The following CTNND2 variants were observed in gnomAD, a reference collection of about 807,000 sequenced individuals.
The protein encoded by CTNND2 is catenin delta 2, also known as catenin delta-2.
A neutral mutation model predicts 144.4 loss-of-function variants in CTNND2; 22 were observed. The observed-to-expected ratio is 0.15, with a 90% CI of 0.11 to 0.22. The LOEUF is 0.22. Ranked by LOEUF, CTNND2 falls within the 10% of genes least tolerant of loss-of-function variation. The pLI is 1.00. For synonymous variants in CTNND2, 751 were observed against 695.6 expected (o/e 1.08, Z -1.25); for missense variants, 1,353 against 1,618.8 (o/e 0.84, Z 2.82).
At chr5:11,467,856 A>C (rs947089585) in intron 3 of CTNND2, among the ~76,000 whole-genome samples, 3 of 152,242 alleles carry the variant, frequency 2.0e-5, no homozygotes. Flanking sequence ...TCACTAACAC[A>C]TACATAGTAC....
At position 11,330,483 on chromosome 5, in the gene CTNND2, CAAAA is replaced by C. The variant is rs10627159; in HGVS notation, c.1628+15885_1628+15888del. ...TGGGTGACAGAGAGAGACTCCGTCT[CAAAA>C]AAAAAAAAAAAAAAAAAAAAAAGAA... On this transcript the variant is annotated intron_variant, in intron 9 of 21. Coordinates refer to ENST00000304623, the MANE Select transcript of CTNND2 (RefSeq NM_001332.4). 1.3e-3 allele frequency among the ~76,000 whole-genome samples: 57 copies of C among 43,454 alleles called. 1 individual carries two copies. The highest frequency in any genetic ancestry group is 4.3e-3 in the African/African-American group (48 of 11,258). 28.5% of individuals were successfully genotyped at this position (43,454 alleles called of 152,430 possible).
intron 3 of CTNND2, among the ~76,000 whole-genome samples, chr5:11,482,177 G>T (rs1768339223): frequency 6.6e-6 from 1 of 152,102 alleles, no homozygotes; most frequent in South Asian, 2.1e-4. Context: ...TTGGTGTTTT[G>T]CAGTTTCCCA....
intron 16 of CTNND2, among the ~76,000 whole-genome samples, chr5:11,040,705 A>G (rs1744609977): frequency 6.6e-6 from 1 of 152,252 alleles, no homozygotes; most frequent in African/African-American, 2.4e-5. Flanking sequence ...TTTTTGAACT[A>G]GAAATAAATT....
chr5:11,674,612 G>C (rs1784071959), intron 2 of CTNND2, among the ~76,000 whole-genome samples: 1 of 152,242 alleles, frequency 6.6e-6, no homozygotes, highest in Admixed American at 6.5e-5. Flanking sequence ...AACATGCATA[G>C]ATAAACTCAT....
intron 2 of CTNND2, among the ~76,000 whole-genome samples, chr5:11,610,761 T>C (rs116614203): frequency 4.6e-5 from 7 of 152,204 alleles, no homozygotes; most frequent in African/African-American, 1.7e-4. Flanking sequence ...AATGACATAT[T>C]AGAGGTTTGT....
chr5:11,525,254 T>C (rs897819495), intron 3 of CTNND2, among the ~76,000 whole-genome samples: 1 of 152,158 alleles, frequency 6.6e-6, no homozygotes, highest in African/African-American at 2.4e-5. Flanking sequence ...GAGCACAATG[T>C]GCTGAATTTT....
chr5:11,048,069 C>G (rs535258836), intron 16 of CTNND2, among the ~76,000 whole-genome samples: 1 of 152,252 alleles, frequency 6.6e-6, no homozygotes, highest in South Asian at 2.1e-4. Context: ...TCCTCTAGCA[C>G]AGCACAAGGG....
At chr5:11,179,120 T>C (rs998662589) in intron 11 of CTNND2, among the ~76,000 whole-genome samples, 5 of 151,670 alleles carry the variant, frequency 3.3e-5, no homozygotes, top group African/African-American at 1.2e-4. Context: ...TGGGCCTTTA[T>C]TCTTAAAGAT....
At chr5:11,240,941 C>T (rs1175805553) in intron 9 of CTNND2, among the ~76,000 whole-genome samples, 1 of 149,888 alleles carries the variant, frequency 6.7e-6, no homozygotes, top group Non-Finnish European at 1.5e-5. Context: ...CCAACACACA[C>T]ACTGAGCACA....
At chr5:11,868,135 G>A (rs913203258) in intron 1 of CTNND2, among the ~76,000 whole-genome samples, 1 of 151,978 alleles carries the variant, frequency 6.6e-6, no homozygotes, top group Non-Finnish European at 1.5e-5. Flanking sequence ...AGCAAGCAGT[G>A]ACGCATGCGC....
chr5:11,104,930 A>T (rs1311837067), intron 14 of CTNND2, among the ~76,000 whole-genome samples: 2 of 152,170 alleles, frequency 1.3e-5, no homozygotes, highest in Non-Finnish European at 2.9e-5. Flanking sequence ...TTGCTGATGC[A>T]CCTCCTCCTG....
intron 1 of CTNND2, among the ~76,000 whole-genome samples, chr5:11,879,385 A>ATATATATG (rs1735862184): frequency 6.8e-6 from 1 of 147,100 alleles, no homozygotes; most frequent in Non-Finnish European, 1.5e-5. Context: ...AAACATATAC[A>ATATATATG]TACATACACA....
At chr5:11,254,152 G>C (rs1743959547) in intron 9 of CTNND2, among the ~76,000 whole-genome samples, 2 of 152,202 alleles carry the variant, frequency 1.3e-5, no homozygotes, top group Non-Finnish European at 2.9e-5. Flanking sequence ...CAGTTTAGCA[G>C]AGTGATGGGA....
chr5:11,380,828 T>C (rs6895374), intron 7 of CTNND2, among the ~76,000 whole-genome samples: 1,569 of 152,336 alleles, frequency 0.01, 32 homozygotes, highest in African/African-American at 0.036. Context: ...ATAGAACTTC[T>C]AATTTCTGGA....
At position 11,166,531 on chromosome 5, in the gene CTNND2, G is replaced by A. The variant is rs552543396; in HGVS notation, c.1976-6772C>T. ...CCCAAAGTGCTGGGATTACAGGCCCGCCACCACGCCCGGCCAAAAAAAGTT... is the reference window on the plus strand; with the variant it reads ...CCCAAAGTGCTGGGATTACAGGCCCACCACCACGCCCGGCCAAAAAAAGTT... On this transcript the variant is annotated intron_variant, in intron 11 of 21. Coordinates refer to ENST00000304623, the MANE Select transcript of CTNND2 (RefSeq NM_001332.4). Among the ~76,000 whole-genome samples, 14 of 151,086 alleles carry A rather than the reference G, an allele frequency of 9.3e-5. 1 individual carries two copies. The highest frequency in any genetic ancestry group is 2.7e-4 in the African/African-American group (11 of 41,110).
intron 2 of CTNND2, among the ~76,000 whole-genome samples, chr5:11,635,112 TAGGA>T (rs1343916569): frequency 2.6e-5 from 4 of 151,986 alleles, no homozygotes; most frequent in Admixed American, 6.6e-5. Context: ...TCTGTAAACT[TAGGA>T]AGGAAGAAAT....
In CTNND2 at chr5:11,139,980, C is replaced by T. The variant is rs956487852; in HGVS notation, c.2159+19596G>A. On this transcript the variant is annotated intron_variant, in intron 12 of 21. Transcript: ENST00000304623. ...TATGTGGTATCACTCTGATACTCTTCTGCCTCCCTCTTTCACATGTAAGAA... is the reference window on the plus strand; with the variant it reads ...TATGTGGTATCACTCTGATACTCTTTTGCCTCCCTCTTTCACATGTAAGAA... Among the ~76,000 whole-genome samples, 7 of 152,330 alleles carry T rather than the reference C, an allele frequency of 4.6e-5. No individual in the cohort carries two copies. In the Middle Eastern group the frequency reaches 0.01, roughly 222 times the overall value.
chr5:11,179,256 G>C (rs1760772418), intron 11 of CTNND2, among the ~76,000 whole-genome samples: 1 of 151,650 alleles, frequency 6.6e-6, no homozygotes, highest in African/African-American at 2.4e-5. Flanking sequence ...TTGCACCACT[G>C]CACTCCAGCC....
intron 8 of CTNND2, among the ~76,000 whole-genome samples, chr5:11,364,224 G>A (rs902928116): frequency 1.3e-5 from 2 of 152,116 alleles, no homozygotes; most frequent in Non-Finnish European, 2.9e-5. Context: ...ATCTATTAGT[G>A]TATATGAAAT....
Sources: gnomAD v4.1 joint callset for allele counts (sites outside exome capture counted in the v4.1 genomes callset) on GRCh38, gnomAD v4.1.1 for gene constraint, MANE v1.5 for transcripts, NCBI Gene and HGNC (gene_info 2026-07-23, HGNC 2026-07-21) for gene names.